Variants in RIMS2 observed in about 807,000 individuals in gnomAD.
RIMS2 encodes regulating synaptic membrane exocytosis protein 2.
Under a neutral mutation model 174.4 loss-of-function variants are expected in RIMS2, and 59 were observed. The observed-to-expected ratio is 0.34, with a 90% CI of 0.27 to 0.42. The LOEUF is 0.42. Ranked by LOEUF, RIMS2 falls within the 10% of genes least tolerant of loss-of-function variation. RIMS2 has a pLI of 1.00. For missense variants in RIMS2, 1,620 were observed against 1,666.3 expected (o/e 0.97, Z 0.48); for synonymous variants, 606 against 572.5 (o/e 1.06, Z -0.84).
intron 1 of RIMS2, among the ~76,000 whole-genome samples, chr8:103,616,677 G>A (rs143139593): frequency 7.6e-4 from 116 of 152,166 alleles, no homozygotes; most frequent in African/African-American, 2.5e-3. Flanking sequence ...CAAAGTTGCA[G>A]GATACAAAGT....
intron 3 of RIMS2, among the ~76,000 whole-genome samples, chr8:103,854,193 G>A (rs891664761): frequency 6.6e-6 from 1 of 151,986 alleles, no homozygotes; most frequent in African/African-American, 2.4e-5. Flanking sequence ...GACATTATTG[G>A]TGTATAGAAA....
At chr8:103,846,654 T>C (rs1221022668) in intron 3 of RIMS2, among the ~76,000 whole-genome samples, 2 of 152,130 alleles carry the variant, frequency 1.3e-5, no homozygotes, top group African/African-American at 4.8e-5. Flanking sequence ...CAACAATGTG[T>C]ACATTAGTGT....
chr8:103,749,973 G>A (rs932184741), intron 2 of RIMS2, among the ~76,000 whole-genome samples: 1 of 151,978 alleles, frequency 6.6e-6, no homozygotes, highest in African/African-American at 2.4e-5. Context: ...TTTTAATTCA[G>A]AATTGGGTTC....
At chr8:103,772,017 T>C (rs2098259163) in intron 3 of RIMS2, among the ~76,000 whole-genome samples, 1 of 152,106 alleles carries the variant, frequency 6.6e-6, no homozygotes, top group African/African-American at 2.4e-5. Flanking sequence ...TATTTAGCAG[T>C]TTGGTAATCA....
intron 2 of RIMS2, among the ~76,000 whole-genome samples, chr8:103,701,430 C>T (rs1163537154): frequency 6.6e-6 from 1 of 152,082 alleles, no homozygotes; most frequent in Non-Finnish European, 1.5e-5. Context: ...GTGTTGGGAA[C>T]ATCCCAAATC....
At chr8:103,783,790 G>A (rs1308229757) in intron 3 of RIMS2, among the ~76,000 whole-genome samples, 1 of 150,150 alleles carries the variant, frequency 6.7e-6, no homozygotes, top group Non-Finnish European at 1.5e-5. Context: ...CCCAGTAATG[G>A]GATGGCTGGG....
intron 1 of RIMS2, among the ~76,000 whole-genome samples, chr8:103,519,459 TCAAA>T (rs1830584098): frequency 6.6e-6 from 1 of 152,084 alleles, no homozygotes; most frequent in Non-Finnish European, 1.5e-5. Flanking sequence ...TCCAATGTTT[TCAAA>T]CACTCTTCTC....
chr8:103,552,900 C>T (rs558184901), intron 1 of RIMS2, among the ~76,000 whole-genome samples: 2 of 152,260 alleles, frequency 1.3e-5, no homozygotes, highest in South Asian at 4.1e-4. Context: ...AATGAGATAC[C>T]ATCTCACACC....
intron 1 of RIMS2, among the ~76,000 whole-genome samples, chr8:103,678,215 TC>T (rs1250377904): frequency 6.6e-6 from 1 of 152,222 alleles, no homozygotes; most frequent in Non-Finnish European, 1.5e-5. Context: ...TTTTTCTCTA[TC>T]ATGTATCAAA....
At chr8:103,768,195 T>G (rs1359078599) in intron 3 of RIMS2, 1 of 379,940 alleles carries the variant, frequency 2.6e-6, no homozygotes, top group Non-Finnish European at 5.0e-6. Context: ...AGATAGAATT[T>G]TTAAAAAATG....
intron 7 of RIMS2, 30 bp downstream of exon 10, chr8:103,915,624 T>A: frequency 8.5e-7 from 1 of 1,173,244 alleles, no homozygotes; most frequent in Non-Finnish European, 1.3e-6. Flanking sequence ...TATTTACATT[T>A]AAACCATTCA....
intron 1 of RIMS2, among the ~76,000 whole-genome samples, chr8:103,513,079 T>C (rs1007667365): frequency 5.9e-5 from 9 of 152,214 alleles, no homozygotes; most frequent in Non-Finnish European, 8.8e-5. Context: ...TTCCTGGATG[T>C]ATGCATAGTC....
chr8:103,608,614 C>G (rs1006021968), intron 1 of RIMS2, among the ~76,000 whole-genome samples: 1 of 150,672 alleles, frequency 6.6e-6, no homozygotes, highest in African/African-American at 2.5e-5. Context: ...GCAGTTTGAT[C>G]TCAGACTGCT....
chr8:104,241,170 C>T (rs1261368945), intron 19 of RIMS2, among the ~76,000 whole-genome samples: 2 of 152,154 alleles, frequency 1.3e-5, no homozygotes, highest in African/African-American at 2.4e-5. Context: ...AGTAAAATCT[C>T]CATAGACAGC....
intron 19 of RIMS2, among the ~76,000 whole-genome samples, chr8:104,058,775 C>T (rs1345735899): frequency 6.6e-6 from 1 of 152,208 alleles, no homozygotes; most frequent in African/African-American, 2.4e-5. Context: ...CCAGTTTCAG[C>T]TTTCTACGTA....
At chr8:104,115,720 T>G (rs1344533308) in intron 19 of RIMS2, among the ~76,000 whole-genome samples, 1 of 152,008 alleles carries the variant, frequency 6.6e-6, no homozygotes, top group Non-Finnish European at 1.5e-5. Context: ...GTAATATAAG[T>G]GATTGAAGTA....
At chr8:103,540,993 CA>C (rs1842342225) in intron 1 of RIMS2, among the ~76,000 whole-genome samples, 1 of 151,826 alleles carries the variant, frequency 6.6e-6, no homozygotes, top group Non-Finnish European at 1.5e-5. Context: ...CAAAAAAGAA[CA>C]AAGAAAGCTT....
chr8:104,105,641 C>T (rs762508021), intron 19 of RIMS2, among the ~76,000 whole-genome samples: 1 of 152,104 alleles, frequency 6.6e-6, no homozygotes, highest in Non-Finnish European at 1.5e-5. Context: ...TATCATAGCT[C>T]ACTTCAACCT....
chr8:103,802,820 T>C (rs2098622223), intron 3 of RIMS2, among the ~76,000 whole-genome samples: 1 of 152,156 alleles, frequency 6.6e-6, no homozygotes, highest in Non-Finnish European at 1.5e-5. Flanking sequence ...GCAGAAATAG[T>C]CTTTTCAAAG....
Sources: gnomAD v4.1 joint callset for allele counts (sites outside exome capture counted in the v4.1 genomes callset) on GRCh38, gnomAD v4.1.1 for gene constraint, MANE v1.5 for transcripts, NCBI Gene and HGNC (gene_info 2026-07-23, HGNC 2026-07-21) for gene names.